MIR2052HG: variants seen among roughly 807,000 people sequenced by gnomAD.
MIR2052HG encodes the protein MIR2052 host gene.
At chr8:74,756,825 C>T (rs964164016) in intron 5 of MIR2052HG, 3 of 152,150 alleles carry the variant, frequency 2.0e-5, no homozygotes, top group Admixed American at 2.0e-4. Flanking sequence ...ACAGCCACTC[C>T]CCCAACCCCA....
At chr8:74,680,563 A>G (rs1161993100) in intron 2 of MIR2052HG, among the ~76,000 whole-genome samples, 1 of 152,126 alleles carries the variant, frequency 6.6e-6, no homozygotes, top group African/African-American at 2.4e-5. Flanking sequence ...TCAGGAAACA[A>G]CAGGTGCTGG....
chr8:74,745,569 GT>G (rs557122326), intron 4 of MIR2052HG, among the ~76,000 whole-genome samples: 27 of 150,786 alleles, frequency 1.8e-4, no homozygotes, highest in African/African-American at 3.2e-4. Flanking sequence ...ATCACTGTGG[GT>G]TTTTTTTTCA....
At chr8:74,619,668 T>A (rs1230037410) in intron 2 of MIR2052HG, among the ~76,000 whole-genome samples, 1 of 152,152 alleles carries the variant, frequency 6.6e-6, no homozygotes, top group African/African-American at 2.4e-5. Flanking sequence ...TCACTCATTA[T>A]CACAAGAACA....
chr8:74,731,926 G>T (rs1395633084), intron 4 of MIR2052HG, among the ~76,000 whole-genome samples: 1 of 152,098 alleles, frequency 6.6e-6, no homozygotes, highest in African/African-American at 2.4e-5. Flanking sequence ...TTTTCTTTTT[G>T]CAAACACTCA....
At chr8:74,637,176 G>T (rs981257872) in intron 2 of MIR2052HG, among the ~76,000 whole-genome samples, 4 of 152,116 alleles carry the variant, frequency 2.6e-5, no homozygotes, top group Non-Finnish European at 5.9e-5. Flanking sequence ...GGTCTAGGAA[G>T]ATGTGAAGGA....
At chr8:74,619,059 A>T (rs1020899137) in intron 2 of MIR2052HG, among the ~76,000 whole-genome samples, 1 of 152,170 alleles carries the variant, frequency 6.6e-6, no homozygotes, top group African/African-American at 2.4e-5. Context: ...TTAGGAATAA[A>T]TTTTTTTAAA....
At chr8:74,666,880 C>T (rs1450744550) in intron 2 of MIR2052HG, among the ~76,000 whole-genome samples, 1 of 152,194 alleles carries the variant, frequency 6.6e-6, no homozygotes, top group African/African-American at 2.4e-5. Flanking sequence ...GCTAGTCCTA[C>T]TTGGGATTTC....
intron 4 of MIR2052HG, among the ~76,000 whole-genome samples, chr8:74,705,207 C>G (rs183232804): frequency 6.6e-6 from 1 of 151,944 alleles, no homozygotes; most frequent in Non-Finnish European, 1.5e-5. Context: ...TAGGGACATG[C>G]CAAAAGTTTC....
At chr8:74,599,834 C>G (rs1156309644) in exon 1 of MIR2052HG, 6 of 157,934 alleles carry the variant, frequency 3.8e-5, no homozygotes, top group African/African-American at 1.2e-4. Context: ...GCCTCGCTGC[C>G]GCCTTGCAGT....
intron 2 of MIR2052HG, among the ~76,000 whole-genome samples, chr8:74,649,324 G>GTCA: frequency 6.6e-6 from 1 of 151,822 alleles, no homozygotes; most frequent in Non-Finnish European, 1.5e-5. Context: ...CAGTTCCTTC[G>GTCA]GTTTTGCATT....
chr8:74,705,457 G>A (rs552859839), intron 4 of MIR2052HG, among the ~76,000 whole-genome samples: 5 of 152,080 alleles, frequency 3.3e-5, no homozygotes, highest in South Asian at 4.1e-4. Context: ...ACTTAAGGTC[G>A]TTTCCAAATA....
At chr8:74,720,669 T>C (rs1809567823) in intron 4 of MIR2052HG, among the ~76,000 whole-genome samples, 1 of 152,202 alleles carries the variant, frequency 6.6e-6, no homozygotes, top group African/African-American at 2.4e-5. Context: ...TTGCCTTGAA[T>C]AGTGGTATAT....
At chr8:74,600,938 G>A (rs920656492) in intron 1 of MIR2052HG, among the ~76,000 whole-genome samples, 1 of 152,132 alleles carries the variant, frequency 6.6e-6, no homozygotes, top group Non-Finnish European at 1.5e-5. Flanking sequence ...TGGGACATAG[G>A]TCTTACTGGC....
At chr8:74,747,154 A>C (rs1394027876) in intron 4 of MIR2052HG, among the ~76,000 whole-genome samples, 4 of 152,152 alleles carry the variant, frequency 2.6e-5, no homozygotes, top group African/African-American at 9.7e-5. Flanking sequence ...AAAATTTCTC[A>C]GTGTGTTTGT....
chr8:74,757,702 G>A (rs1329922509), intron 5 of MIR2052HG: 1 of 152,154 alleles, frequency 6.6e-6, no homozygotes, highest in Admixed American at 6.5e-5. Flanking sequence ...CAGTAAGAAT[G>A]TTATTAGAAC....
At chr8:74,614,075 A>T (rs1808241595) in intron 2 of MIR2052HG, among the ~76,000 whole-genome samples, 1 of 152,220 alleles carries the variant, frequency 6.6e-6, no homozygotes, top group Non-Finnish European at 1.5e-5. Context: ...ATAGTTGTTC[A>T]GATGATTTAA....
chr8:74,702,604 A>G (rs900041260), intron 3 of MIR2052HG: 10 of 199,772 alleles, frequency 5.0e-5, no homozygotes, highest in Non-Finnish European at 4.4e-5. Context: ...TAAAACCTAA[A>G]AAGGGAAGAT....
chr8:74,620,157 T>A (rs1367619988), intron 2 of MIR2052HG, among the ~76,000 whole-genome samples: 1 of 152,258 alleles, frequency 6.6e-6, no homozygotes, highest in African/African-American at 2.4e-5. Context: ...ATCTAGGTTA[T>A]GCTGATGCAA....
At chr8:74,599,923 C>T (rs1407712386) in intron 1 of MIR2052HG, 1 of 164,454 alleles carries the variant, frequency 6.1e-6, no homozygotes, top group Non-Finnish European at 1.3e-5. Flanking sequence ...GTGATATACT[C>T]TCGTGGTGCG....
Sources: gnomAD v4.1 joint callset for allele counts (sites outside exome capture counted in the v4.1 genomes callset) on GRCh38, gnomAD v4.1.1 for gene constraint, MANE v1.5 for transcripts, NCBI Gene and HGNC (gene_info 2026-07-23, HGNC 2026-07-21) for gene names.